Variants in RAPGEF1 observed in about 807,000 individuals in gnomAD.
The protein encoded by RAPGEF1 is CRK SH3-binding GNRP.
RAPGEF1 carries 33 observed loss-of-function variants against 143.3 expected under a neutral mutation model. That is an observed-to-expected ratio of 0.23 (90% CI 0.17 to 0.31). The LOEUF is 0.31. Ranked by LOEUF, RAPGEF1 falls within the 10% of genes least tolerant of loss-of-function variation. The pLI is 1.00. For missense variants in RAPGEF1, 1,199 were observed against 1,645.4 expected (o/e 0.73, Z 4.69); for synonymous variants, 629 against 676.5 (o/e 0.93, Z 1.09).
In RAPGEF1 at chr9:131,583,908, T is replaced by C. The variant is rs535145276; in HGVS notation, c.3414+403A>G. Among the ~76,000 whole-genome samples the C allele has an allele frequency of 1.4e-3, 219 of 152,340 alleles. 2 individuals carry two copies. Among genetic ancestry groups the C allele is most frequent in the African/African-American group, 5.1e-3 (211 of 41,574 alleles). On this transcript the variant is annotated intron_variant, in intron 24 of 26. Coordinates refer to ENST00000683357, the MANE Select transcript of RAPGEF1 (RefSeq NM_001377935.1). The surrounding 1 kb of genome is among the most constrained non-coding windows in gnomAD (Gnocchi z 4.7). ...CACCTGCCCACCCTTCTTCTTTTAG[T>C]GCTTATCTAGCAGAAACTCACCCAA...
chr9:131,591,189 A>T (rs956195174), intron 18 of RAPGEF1, among the ~76,000 whole-genome samples: 2 of 152,214 alleles, frequency 1.3e-5, no homozygotes, highest in Non-Finnish European at 2.9e-5. Flanking sequence ...GTCTGTCTTG[A>T]TAGATCAGGG....
intron 20 of RAPGEF1, among the ~76,000 whole-genome samples, chr9:131,588,536 C>T (rs943121999): frequency 6.6e-6 from 1 of 152,202 alleles, no homozygotes; most frequent in Non-Finnish European, 1.5e-5. Flanking sequence ...CTGACCACAG[C>T]CCAGGGTGTG....
At chr9:131,622,028 G>C (rs1343071645) in intron 10 of RAPGEF1, 30 bp from the exon 11 acceptor site, 2 of 1,586,660 alleles carry the variant, frequency 1.3e-6, no homozygotes, top group Admixed American at 3.5e-5. Flanking sequence ...GCTGCAGCGA[G>C]GCCGGGGGAG....
At chr9:131,635,022 C>T (rs142636495) in intron 5 of RAPGEF1, among the ~76,000 whole-genome samples, 68 of 152,120 alleles carry the variant, frequency 4.5e-4, no homozygotes, top group African/African-American at 1.4e-3. Context: ...TACAGGCTCC[C>T]GGTGGAAAAG....
intron 22 of RAPGEF1, among the ~76,000 whole-genome samples, chr9:131,585,175 C>T (rs935840989): frequency 6.6e-5 from 10 of 152,132 alleles, no homozygotes; most frequent in Non-Finnish European, 1.5e-4. Flanking sequence ...GAGGTGGTGC[C>T]GCACTTTGCA....
chr9:131,686,529 C>A (rs929514290), intron 1 of RAPGEF1, among the ~76,000 whole-genome samples: 1 of 152,234 alleles, frequency 6.6e-6, no homozygotes, highest in African/African-American at 2.4e-5. Flanking sequence ...GGCCTGAAAT[C>A]AACACAAAGT....
intron 1 of RAPGEF1, among the ~76,000 whole-genome samples, chr9:131,688,523 C>T (rs1833536142): frequency 6.6e-6 from 1 of 152,196 alleles, no homozygotes; most frequent in African/African-American, 2.4e-5. Flanking sequence ...TACTTTGAAA[C>T]TCTGTAAGAA....
chr9:131,710,063 A>G, intron 1 of RAPGEF1: 2 of 530,584 alleles, frequency 3.8e-6, no homozygotes, highest in Non-Finnish European at 4.8e-6. Context: ...TTTTCTCCGC[A>G]GGAGAAATGG....
chr9:131,640,313 C>T (rs557488473), intron 4 of RAPGEF1, among the ~76,000 whole-genome samples: 4 of 152,264 alleles, frequency 2.6e-5, no homozygotes, highest in South Asian at 2.1e-4. Flanking sequence ...AGGATTCCAC[C>T]GGAGAAAGCA....
At chr9:131,601,105 G>C (rs1034223915) in intron 15 of RAPGEF1, among the ~76,000 whole-genome samples, 12 of 146,612 alleles carry the variant, frequency 8.2e-5, no homozygotes, top group Admixed American at 7.8e-4. Context: ...CCGGGAGGCG[G>C]AAGTTGCAGT....
chr9:131,734,699 C>T (rs1837305304), intron 1 of RAPGEF1, among the ~76,000 whole-genome samples: 1 of 152,214 alleles, frequency 6.6e-6, no homozygotes, highest in Non-Finnish European at 1.5e-5. Flanking sequence ...ACCTCTTTCT[C>T]AGGCCACAAA....
At chr9:131,658,733 C>A (rs118046690) in intron 1 of RAPGEF1, among the ~76,000 whole-genome samples, 2,360 of 152,248 alleles carry the variant, frequency 0.016, 25 homozygotes, top group Non-Finnish European at 0.025. Context: ...CCAAGCAGAG[C>A]AAAAAGACAT....
At chr9:131,708,921 C>G (rs13283933) in intron 1 of RAPGEF1, among the ~76,000 whole-genome samples, 1 of 152,002 alleles carries the variant, frequency 6.6e-6, no homozygotes, top group Non-Finnish European at 1.5e-5. Context: ...TTAGTAGAGA[C>G]GGGGTTTCGC....
chr9:131,729,800 G>A (rs1209044871), intron 1 of RAPGEF1, among the ~76,000 whole-genome samples: 1 of 152,156 alleles, frequency 6.6e-6, no homozygotes, highest in Non-Finnish European at 1.5e-5. Context: ...CACGTCTGAA[G>A]GTAAAGCTCC....
chr9:131,616,351 G>A (rs532158144), intron 12 of RAPGEF1, among the ~76,000 whole-genome samples: 8 of 152,238 alleles, frequency 5.3e-5, no homozygotes, highest in East Asian at 1.9e-4. Context: ...TTGGTTCTGC[G>A]CAGGCTTCAT....
intron 1 of RAPGEF1, among the ~76,000 whole-genome samples, chr9:131,716,057 T>A (rs958142670): frequency 6.6e-6 from 1 of 152,112 alleles, no homozygotes; most frequent in South Asian, 2.1e-4. Context: ...TGTCAACAAC[T>A]ACATATGCTG....
chr9:131,682,487 G>A (rs567162530), intron 1 of RAPGEF1, among the ~76,000 whole-genome samples: 74 of 152,296 alleles, frequency 4.9e-4, no homozygotes, highest in African/African-American at 1.8e-3. Flanking sequence ...GTGGACCCTT[G>A]CCAGTGGGGA....
chr9:131,626,573 T>G (rs547119646), intron 9 of RAPGEF1, among the ~76,000 whole-genome samples, 151 bp from the exon 10 acceptor site: 1 of 152,330 alleles, frequency 6.6e-6, no homozygotes, highest in Non-Finnish European at 1.5e-5. Flanking sequence ...GTTATATTCT[T>G]CATTCTTCTC....
chr9:131,625,720 G>A (rs1962794841), intron 10 of RAPGEF1, among the ~76,000 whole-genome samples: 1 of 152,178 alleles, frequency 6.6e-6, no homozygotes, highest in Admixed American at 6.5e-5. Flanking sequence ...AACTGTAAAG[G>A]AGAGGTCAGC....
Sources: allele counts gnomAD v4.1 joint callset (sites outside exome capture counted in the v4.1 genomes callset), GRCh38; gene constraint gnomAD v4.1.1; non-coding constraint Gnocchi (gnomAD v3.1); transcripts MANE v1.5; gene names NCBI Gene and HGNC (gene_info 2026-07-23, HGNC 2026-07-21).